CAMTA1: variants seen among roughly 807,000 people sequenced by gnomAD.
CAMTA1 encodes the protein calmodulin binding transcription activator 1, also known as calmodulin-binding transcription activator 1.
Under a neutral mutation model 170.9 loss-of-function variants are expected in CAMTA1, and 27 were observed. That is an observed-to-expected ratio of 0.16 (90% CI 0.12 to 0.22). The LOEUF (loss-of-function observed/expected upper bound fraction) is 0.22, where lower values mean the gene tolerates loss of function less well. Among genes scored for constraint, CAMTA1 ranks in the 10% least tolerant of loss-of-function variants. CAMTA1 has a pLI of 1.00. For synonymous variants in CAMTA1, 833 were observed against 891.5 expected (o/e 0.93, Z 1.17); for missense variants, 1,619 against 2,217.2 (o/e 0.73, Z 5.42).
intron 1 of CAMTA1, among the ~76,000 whole-genome samples, chr1:6,805,071 ACT>A (rs1644360922): frequency 6.6e-6 from 1 of 152,156 alleles, no homozygotes; most frequent in Non-Finnish European, 1.5e-5. Context: ...GTCGTAGTTA[ACT>A]CTGTTTAACT....
chr1:7,159,494 T>C (rs951691700), intron 4 of CAMTA1, among the ~76,000 whole-genome samples: 1 of 152,096 alleles, frequency 6.6e-6, no homozygotes, highest in Non-Finnish European at 1.5e-5. Context: ...TCCACCTCCC[T>C]GAGCTCTGGA....
intron 11 of CAMTA1, among the ~76,000 whole-genome samples, chr1:7,702,828 AGCCTCC>A (rs2096456589): frequency 6.6e-6 from 1 of 152,110 alleles, no homozygotes; most frequent in African/African-American, 2.4e-5. Flanking sequence ...CCCCAACCCC[AGCCTCC>A]AGCCACTCCT....
At chr1:6,954,836 G>A (rs1190585804) in intron 3 of CAMTA1, among the ~76,000 whole-genome samples, 2 of 152,030 alleles carry the variant, frequency 1.3e-5, no homozygotes, top group African/African-American at 2.4e-5. Context: ...CTTGGACGCC[G>A]CCTTCCCTCT....
intron 6 of CAMTA1, among the ~76,000 whole-genome samples, chr1:7,625,505 G>A (rs968877359): frequency 7.9e-5 from 12 of 152,158 alleles, no homozygotes; most frequent in Non-Finnish European, 7.4e-5. Flanking sequence ...CCGTTCTGTC[G>A]CATCATCTGA....
intron 11 of CAMTA1, among the ~76,000 whole-genome samples, chr1:7,722,510 G>A (rs1022989509): frequency 3.3e-5 from 5 of 152,038 alleles, no homozygotes; most frequent in African/African-American, 9.7e-5. Context: ...CTTCTTGATC[G>A]TTGTAATACT....
intron 5 of CAMTA1, among the ~76,000 whole-genome samples, chr1:7,406,650 G>A (rs1036145413): frequency 2.0e-5 from 3 of 151,692 alleles, no homozygotes; most frequent in South Asian, 2.1e-4. Context: ...GCACACACAC[G>A]CACACACATG....
At chr1:7,120,429 C>CTTTA (rs1644573989) in intron 4 of CAMTA1, among the ~76,000 whole-genome samples, 1 of 152,192 alleles carries the variant, frequency 6.6e-6, no homozygotes, top group Non-Finnish European at 1.5e-5. Context: ...TGGAGACCAC[C>CTTTA]TTTAGTTCCT....
intron 4 of CAMTA1, among the ~76,000 whole-genome samples, chr1:7,121,966 A>G (rs1644668740): frequency 2.0e-5 from 3 of 151,718 alleles, no homozygotes; most frequent in Non-Finnish European, 4.4e-5. Context: ...TGGGGCTCCT[A>G]TGGCTTGTCA....
At chr1:7,499,596 A>T (rs1459274339) in intron 6 of CAMTA1, among the ~76,000 whole-genome samples, 1 of 127,974 alleles carries the variant, frequency 7.8e-6, no homozygotes, top group Non-Finnish European at 1.6e-5. Flanking sequence ...GTGAGTGCGT[A>T]TGTATATGAG....
rs1673667808 is a variant in CAMTA1 at position 6,887,928 on chromosome 1, G to A, written c.234+62718G>A. Reference sequence around the variant, plus strand: ...GGAGTTATTACGAAGGAGCTCCGCAGCCTGACTGAGCTCTGGAGAGCAGGG... The same window carrying A: ...GGAGTTATTACGAAGGAGCTCCGCAACCTGACTGAGCTCTGGAGAGCAGGG... On this transcript the variant is annotated intron_variant, in intron 3 of 22. Transcript: ENST00000303635. The surrounding 1 kb of genome is among the most constrained non-coding windows in gnomAD (Gnocchi z 4.1). 7.5e-7 allele frequency: 1 copy of A among 1,328,208 alleles called. No individual in the cohort carries two copies. Among genetic ancestry groups the A allele is most frequent in the Non-Finnish European group, 9.7e-7 (1 of 1,032,500 alleles). The allele number at this position is 1,328,208 out of a possible 1,614,324, so 82.3% of individuals were successfully genotyped here. A position where few individuals can be genotyped will look rare whatever the true frequency, so the allele number is the denominator to read the frequency against.
At chr1:7,640,338 C>A (rs999631402) in intron 6 of CAMTA1, 62 bp from the exon 7 acceptor site, 1 of 1,584,572 alleles carries the variant, frequency 6.3e-7, no homozygotes, top group Non-Finnish European at 8.6e-7. Flanking sequence ...GGGTTGGGGG[C>A]GGCCCTGACC....
In CAMTA1 at chr1:7,048,847, C is replaced by T. The variant is rs115626326; in HGVS notation, c.235-42457C>T. 4.5e-3 allele frequency among the ~76,000 whole-genome samples: 689 copies of T among 152,270 alleles called. 7 individuals are homozygous for T. Among genetic ancestry groups the T allele is most frequent in the African/African-American group, 0.015 (627 of 41,554 alleles). ...GACCACTTGAAGCAGAGCTTTGTGA[C>T]GAGGCCTTCCCCAAGTGCATCTGAG... is the stretch of plus-strand genomic sequence containing the variant. On this transcript the variant is annotated intron_variant, in intron 3 of 22. Transcript: ENST00000303635.
chr1:6,993,740 A>G (rs1226797493), intron 3 of CAMTA1, among the ~76,000 whole-genome samples: 10 of 151,998 alleles, frequency 6.6e-5, no homozygotes, highest in Non-Finnish European at 4.4e-5. Flanking sequence ...TTGTCTTTCT[A>G]TTTAAAATGT....
At chr1:7,546,170 A>T (rs1435872251) in intron 6 of CAMTA1, among the ~76,000 whole-genome samples, 1 of 151,934 alleles carries the variant, frequency 6.6e-6, no homozygotes, top group Admixed American at 6.6e-5. Context: ...GTTAGCCAGG[A>T]TAGTCTCGAT....
intron 1 of CAMTA1, among the ~76,000 whole-genome samples, chr1:6,810,843 GGAGGTCCATCATAAA>G: frequency 6.6e-6 from 1 of 152,280 alleles, no homozygotes; most frequent in East Asian, 1.9e-4. Flanking sequence ...GGGGATCATA[GGAGGTCCATCATAAA>G]GTTTGTCCTC....
chr1:7,601,189 T>C (rs28703707), intron 6 of CAMTA1, among the ~76,000 whole-genome samples: 10 of 111,456 alleles, frequency 9.0e-5, no homozygotes, highest in African/African-American at 2.7e-4. Flanking sequence ...CCGGACGGGG[T>C]GGCTGCTGGG....
intron 22 of CAMTA1, among the ~76,000 whole-genome samples, chr1:7,759,053 G>A (rs1253024673): frequency 6.6e-6 from 1 of 152,070 alleles, no homozygotes. Flanking sequence ...GGAGGCTGAG[G>A]TGGGAGGATT....
intron 11 of CAMTA1, among the ~76,000 whole-genome samples, chr1:7,723,888 C>T (rs1040179792): frequency 6.6e-6 from 1 of 152,232 alleles, no homozygotes; most frequent in African/African-American, 2.4e-5. Flanking sequence ...GGTGTGATCT[C>T]AGCTCACTGC....
At chr1:7,479,147 C>G (rs2093472199) in intron 6 of CAMTA1, among the ~76,000 whole-genome samples, 2 of 152,210 alleles carry the variant, frequency 1.3e-5, no homozygotes, top group African/African-American at 4.8e-5. Context: ...CAAGGAAGTC[C>G]CATGACATGG....
Sources: gnomAD v4.1 joint callset for allele counts (sites outside exome capture counted in the v4.1 genomes callset) on GRCh38, gnomAD v4.1.1 for gene constraint, Gnocchi (gnomAD v3.1) non-coding constraint, MANE v1.5 for transcripts, NCBI Gene and HGNC (gene_info 2026-07-23, HGNC 2026-07-21) for gene names.